PRR5L: variants seen among roughly 807,000 people sequenced by gnomAD.
PRR5L encodes the protein proline rich 5 like, also known as proline-rich protein 5-like.
Under a neutral mutation model 36.4 loss-of-function variants are expected in PRR5L, and 21 were observed. The observed-to-expected ratio is 0.58, with a 90% confidence interval of 0.41 to 0.83. The LOEUF (loss-of-function observed/expected upper bound fraction) is 0.83. Among genes scored for constraint, PRR5L ranks in the 40% least tolerant of loss-of-function variants. The pLI, the probability that PRR5L is intolerant of heterozygous loss-of-function variation, is 0.00. For synonymous variants in PRR5L, 188 were observed against 197.0 expected, an observed-to-expected ratio of 0.95 and a Z score of 0.38; for missense variants, 381 against 473.3, an observed-to-expected ratio of 0.80 and a Z score of 1.81.
chr11:36,376,719 G>C, intron 1 of PRR5L: 1 of 986,768 alleles, frequency 1.0e-6, no homozygotes, highest in South Asian at 4.7e-5. Flanking sequence ...GTGGTGGGTG[G>C]GGGGCGTCTC....
intron 1 of PRR5L, among the ~76,000 whole-genome samples, chr11:36,300,001 G>A (rs1279323444): frequency 1.3e-5 from 2 of 152,184 alleles, no homozygotes; most frequent in Non-Finnish European, 2.9e-5. Context: ...GATGAGCTCT[G>A]TGTACCCAGG....
At chr11:36,418,770 T>A (rs1858202143) in intron 3 of PRR5L, among the ~76,000 whole-genome samples, 1 of 152,090 alleles carries the variant, frequency 6.6e-6, no homozygotes, top group South Asian at 2.1e-4. Flanking sequence ...CACTCCAGCC[T>A]GGGAGACAGA....
chr11:36,435,404 A>G (rs1858583507), intron 5 of PRR5L, among the ~76,000 whole-genome samples: 2 of 152,216 alleles, frequency 1.3e-5, no homozygotes, highest in Admixed American at 1.3e-4. Context: ...AACTGTACCT[A>G]GGACAAGTAC....
intron 1 of PRR5L, among the ~76,000 whole-genome samples, chr11:36,310,006 T>C (rs1565377983): frequency 0.033 from 10 of 300 alleles, no homozygotes; most frequent in Admixed American, 0.25. Context: ...CCACCATCAC[T>C]ATTAGAGCAG....
intron 4 of PRR5L, among the ~76,000 whole-genome samples, chr11:36,419,988 A>G (rs946402093): frequency 6.6e-6 from 1 of 152,210 alleles, no homozygotes; most frequent in African/African-American, 2.4e-5. Context: ...TCCCCTGTCT[A>G]TACATTGTTG....
intron 1 of PRR5L, among the ~76,000 whole-genome samples, chr11:36,311,405 T>C (rs144719004): frequency 6.6e-6 from 1 of 152,314 alleles, no homozygotes; most frequent in Non-Finnish European, 1.5e-5. Flanking sequence ...GCTTGGCTCC[T>C]AATGGGCCCA....
At chr11:36,370,620 G>T (rs1218007506) in intron 1 of PRR5L, among the ~76,000 whole-genome samples, 1 of 152,148 alleles carries the variant, frequency 6.6e-6, no homozygotes, top group African/African-American at 2.4e-5. Flanking sequence ...GGTGGCTCAC[G>T]CCTGTAATCC....
At chr11:36,334,792 C>T (rs1477937776) in intron 1 of PRR5L, among the ~76,000 whole-genome samples, 1 of 152,148 alleles carries the variant, frequency 6.6e-6, no homozygotes, top group African/African-American at 2.4e-5. Context: ...TAACTCAGTA[C>T]TTAGCAAGGC....
chr11:36,398,632 C>T (rs1037447700), intron 1 of PRR5L: 2 of 152,346 alleles, frequency 1.3e-5, no homozygotes, highest in East Asian at 1.9e-4. Flanking sequence ...TATCTGAGTC[C>T]GCGGGAGCCA....
intron 1 of PRR5L, among the ~76,000 whole-genome samples, chr11:36,315,012 C>A (rs563142463): frequency 6.6e-6 from 1 of 152,254 alleles, no homozygotes; most frequent in East Asian, 1.9e-4. Flanking sequence ...AACTATATAG[C>A]AGAATCCTTC....
Position 36,451,223 on chromosome 11 carries a change from C to T in PRR5L, c.600C>T (p.Pro200=), listed in dbSNP as rs1221226859. The T allele has an allele frequency of 6.2e-7, 1 of 1,614,154 alleles. No individual in the cohort carries two copies. The highest frequency in any genetic ancestry group is 1.7e-5 in the Admixed American group (1 of 60,024). Residue 200 remains proline (P), a synonymous_variant, in exon 8 of 9, where the codon CCC becomes CCT. Coordinates refer to ENST00000530639, the MANE Select transcript of PRR5L (RefSeq NM_001160167.2). ...MLLILQSVHE[P]TGPSESYLQL... ...TCATTTTCCAGAGTGTTCACGAGCC[C>T]ACAGGCCCAAGTGAGAGTTATTTGC...
In PRR5L at chr11:36,401,230, C is replaced by T. The variant is rs757260286; in HGVS notation, c.109C>T (p.Arg37Ter). The change falls in exon 2 of 9, where the codon CGA becomes TGA. Residue 37 changes from arginine to a stop codon, truncating the protein, a stop_gained. Coordinates refer to ENST00000530639, the MANE Select transcript of PRR5L (RefSeq NM_001160167.2). LOFTEE classifies it high-confidence loss of function. ...CTCCCCCGTGCTCAGCGACCTTCCC[C>T]GATTCCAAGCAGCTCGGCAGGCTCT... Reference protein sequence around the residue: ...MSSPVLSDLPRFQAARQALQL... With the variant: ...MSSPVLSDLP 6.2e-6 allele frequency: 10 copies of T among 1,613,824 alleles called. No homozygotes were observed. The highest frequency in any genetic ancestry group is 2.2e-5 in the South Asian group (2 of 91,078).
At chr11:36,436,837 T>G (rs1858615594) in intron 5 of PRR5L, among the ~76,000 whole-genome samples, 1 of 152,190 alleles carries the variant, frequency 6.6e-6, no homozygotes, top group Non-Finnish European at 1.5e-5. Flanking sequence ...ATGAGATATC[T>G]TATAGGTAAG....
chr11:36,331,182 C>T (rs951577086), intron 1 of PRR5L, among the ~76,000 whole-genome samples: 1 of 152,134 alleles, frequency 6.6e-6, no homozygotes, highest in African/African-American at 2.4e-5. Flanking sequence ...ACTAATATAA[C>T]ATAGAGACAG....
chr11:36,450,144 A>G (rs965346005), intron 7 of PRR5L, among the ~76,000 whole-genome samples: 3 of 152,128 alleles, frequency 2.0e-5, no homozygotes. Flanking sequence ...GGCAGCTTAC[A>G]TCTCCCCCTG....
At chr11:36,351,921 T>G (rs908879363) in intron 1 of PRR5L, among the ~76,000 whole-genome samples, 1 of 151,120 alleles carries the variant, frequency 6.6e-6, no homozygotes, top group African/African-American at 2.4e-5. Flanking sequence ...AATGACTTAT[T>G]TTCCTCTGGG....
chr11:36,322,031 G>A (rs1856618386), intron 1 of PRR5L, among the ~76,000 whole-genome samples: 1 of 152,130 alleles, frequency 6.6e-6, no homozygotes, highest in South Asian at 2.1e-4. Flanking sequence ...TGGGACTTAG[G>A]ACTTCAACAT....
chr11:36,369,608 A>G lies in PRR5L; in HGVS notation c.-125-31389A>G, dbSNP rs368267011. ...TGGGAATTTATTTATTTATTTATTT[A>G]TTTTTGAGATGGAGCCTCACTCTGT... On this transcript the variant is annotated intron_variant, in intron 1 of 8. Coordinates refer to ENST00000530639, the MANE Select transcript of PRR5L (RefSeq NM_001160167.2). Among the ~76,000 whole-genome samples, 849 of 151,998 alleles carry G rather than the reference A, an allele frequency of 5.6e-3. 2 individuals carry two copies. Among genetic ancestry groups the G allele is most frequent in the African/African-American group, 0.012 (515 of 41,458 alleles).
At chr11:36,358,064 A>C (rs1410840487) in intron 1 of PRR5L, among the ~76,000 whole-genome samples, 1 of 152,158 alleles carries the variant, frequency 6.6e-6, no homozygotes, top group Non-Finnish European at 1.5e-5. Context: ...GTTGATTTCA[A>C]CCCTAATGAG....
Sources: gnomAD v4.1 joint callset for allele counts (sites outside exome capture counted in the v4.1 genomes callset) on GRCh38, gnomAD v4.1.1 for gene constraint, MANE v1.5 for transcripts, NCBI Gene and HGNC (gene_info 2026-07-23, HGNC 2026-07-21) for gene names.